DEPTOR: variants seen among roughly 807,000 people sequenced by gnomAD.
DEPTOR encodes the protein DEP domain-containing mTOR-interacting protein.
Under a neutral mutation model 41.6 loss-of-function variants are expected in DEPTOR, and 41 were observed. The ratio of observed to expected loss-of-function variants is 0.98; its 90% confidence interval spans 0.77 to 1.28. The LOEUF is 1.28. DEPTOR is among the 50% of genes most tolerant of loss of function. The pLI is 0.00. For synonymous variants in DEPTOR, 195 were observed against 192.3 expected (o/e 1.01, Z -0.12); for missense variants, 514 against 527.9 (o/e 0.97, Z 0.26).
rs35420959 is a variant in DEPTOR, at chr8:119,933,453, GACACACACACACACACACACAC to G, written c.425+3541_425+3562del. Reference sequence around the variant, plus strand: ...GCCCCCTTTCTTTGAGACAGAGCAAGACACACACACACACACACACACACACACACACACACACACACACACA... The same window carrying G: ...GCCCCCTTTCTTTGAGACAGAGCAAGACACACACACACACACACACACACA... On this transcript the variant is annotated intron_variant, in intron 3 of 8. Transcript: ENST00000286234. 4.0e-5 allele frequency among the ~76,000 whole-genome samples: 5 copies of G among 124,564 alleles called. No individual in the cohort carries two copies. In the South Asian group the frequency reaches 1.2e-3, roughly 31 times the overall value. The allele number at this position is 124,564 out of a possible 152,430, so 81.7% of individuals were successfully genotyped here.
intron 1 of DEPTOR, among the ~76,000 whole-genome samples, chr8:119,901,452 G>A (rs1010437122): frequency 5.9e-5 from 9 of 152,142 alleles, no homozygotes; most frequent in South Asian, 2.1e-4. Flanking sequence ...TGAGGTGGGC[G>A]GATCACGAGA....
chr8:119,936,364 G>A (rs1467573747), intron 3 of DEPTOR, among the ~76,000 whole-genome samples: 8 of 152,230 alleles, frequency 5.3e-5, no homozygotes, highest in East Asian at 1.9e-4. Flanking sequence ...TGTTGTGATC[G>A]CTATAAGCTG....
chr8:119,906,952 G>T (rs569686551), intron 1 of DEPTOR, among the ~76,000 whole-genome samples: 3 of 152,150 alleles, frequency 2.0e-5, no homozygotes, highest in Non-Finnish European at 4.4e-5. Flanking sequence ...AAGGGATATT[G>T]TGACTCTCTT....
chr8:119,980,393 C>A (rs1456418444), intron 4 of DEPTOR, among the ~76,000 whole-genome samples: 2 of 152,156 alleles, frequency 1.3e-5, no homozygotes, highest in South Asian at 2.1e-4. Flanking sequence ...CAGCTCTAGG[C>A]CGTTTTGAAA....
At chr8:119,905,060 G>A (rs1451769125) in intron 1 of DEPTOR, among the ~76,000 whole-genome samples, 1 of 139,774 alleles carries the variant, frequency 7.2e-6, no homozygotes, top group Admixed American at 7.7e-5. Flanking sequence ...CTCCTGCCTT[G>A]GCCTCCCAAA....
chr8:120,032,343 C>T (rs574798686), intron 8 of DEPTOR, among the ~76,000 whole-genome samples: 16 of 151,798 alleles, frequency 1.1e-4, no homozygotes, highest in African/African-American at 3.4e-4. Context: ...CTCAGCCTCC[C>T]GAGTAGCTGG....
At chr8:120,043,402 G>A (rs950789955) in intron 8 of DEPTOR, among the ~76,000 whole-genome samples, 6 of 152,128 alleles carry the variant, frequency 3.9e-5, no homozygotes, top group African/African-American at 1.4e-4. Flanking sequence ...ATATTATTCA[G>A]AGTTTTTAGT....
intron 3 of DEPTOR, among the ~76,000 whole-genome samples, chr8:119,930,691 C>T (rs1828031098): frequency 6.6e-6 from 1 of 152,134 alleles, no homozygotes; most frequent in South Asian, 2.1e-4. Context: ...GAACAAGTTT[C>T]AGCCCTTTCA....
intron 3 of DEPTOR, among the ~76,000 whole-genome samples, chr8:119,950,561 G>A (rs1220558786): frequency 2.0e-5 from 3 of 151,992 alleles, no homozygotes; most frequent in Non-Finnish European, 4.4e-5. Context: ...GATTACAGGT[G>A]TGCATCACCA....
At chr8:119,908,425 C>CA (rs967099403) in intron 1 of DEPTOR, among the ~76,000 whole-genome samples, 3 of 151,416 alleles carry the variant, frequency 2.0e-5, no homozygotes, top group African/African-American at 7.3e-5. Context: ...CCTGGTAGTA[C>CA]AAAAAATGAA....
chr8:119,940,279 G>T (rs1368248263), intron 3 of DEPTOR, among the ~76,000 whole-genome samples: 1 of 151,886 alleles, frequency 6.6e-6, no homozygotes, highest in Non-Finnish European at 1.5e-5. Context: ...TCCTACTTTT[G>T]GGTATGTACC....
chr8:119,946,113 G>A lies in DEPTOR; in HGVS notation c.425+16175G>A, dbSNP rs1030104798. Among the ~76,000 whole-genome samples the A allele has an allele frequency of 7.2e-5, 11 of 152,122 alleles. No individual in the cohort carries two copies. In the East Asian group the frequency reaches 9.7e-4, roughly 13 times the overall value. ...TTGTTTGCTAAATGAAAACATCCCC[G>A]CTTAATTGCAGTCCCTTCACACAGA... On this transcript the variant is annotated intron_variant, in intron 3 of 8. Coordinates refer to ENST00000286234, the MANE Select transcript of DEPTOR (RefSeq NM_022783.4).
rs189103491 is a variant in DEPTOR at position 120,048,515 on chromosome 8, C to T, written c.1102-1061C>T. Among the ~76,000 whole-genome samples the T allele has an allele frequency of 1.2e-4, 19 of 152,106 alleles. No individual in the cohort carries two copies. In the East Asian group the frequency reaches 3.7e-3, roughly 29 times the overall value. On this transcript the variant is annotated intron_variant, in intron 8 of 8. Coordinates refer to ENST00000286234, the MANE Select transcript of DEPTOR (RefSeq NM_022783.4). Reference sequence around the variant, plus strand: ...AATCCATGAAGACAAATTTGTGGAACCAAGAAAAGAGAAACAGTAATAGTG... The same window carrying T: ...AATCCATGAAGACAAATTTGTGGAATCAAGAAAAGAGAAACAGTAATAGTG...
At chr8:120,011,679 A>T (rs929621249) in intron 8 of DEPTOR, among the ~76,000 whole-genome samples, 4 of 152,218 alleles carry the variant, frequency 2.6e-5, no homozygotes, top group Non-Finnish European at 5.9e-5. Flanking sequence ...CCAAATGTAC[A>T]GTGAAATTAA....
chr8:120,007,632 T>G (rs1039206553), intron 7 of DEPTOR, among the ~76,000 whole-genome samples: 48 of 152,184 alleles, frequency 3.2e-4, no homozygotes, highest in Non-Finnish European at 7.3e-5. Flanking sequence ...TCCTTCATCT[T>G]CTAACTTTAG....
chr8:119,940,572 C>T (rs1232475703), intron 3 of DEPTOR, among the ~76,000 whole-genome samples: 1 of 151,992 alleles, frequency 6.6e-6, no homozygotes, highest in African/African-American at 2.4e-5. Flanking sequence ...TTGGCAAAAC[C>T]TCGTCTCTAC....
At chr8:119,954,507 C>T (rs1053661522) in intron 3 of DEPTOR, among the ~76,000 whole-genome samples, 2 of 152,132 alleles carry the variant, frequency 1.3e-5, no homozygotes, top group Non-Finnish European at 2.9e-5. Context: ...AGCTCTCTTT[C>T]TAAATTCTGA....
At chr8:120,035,689 G>A (rs1191452658) in intron 8 of DEPTOR, among the ~76,000 whole-genome samples, 3 of 152,120 alleles carry the variant, frequency 2.0e-5, no homozygotes, top group Admixed American at 6.6e-5. Flanking sequence ...CCACTATCAT[G>A]TCCAGCTAAT....
chr8:119,883,290 C>G (rs985277278), intron 1 of DEPTOR, among the ~76,000 whole-genome samples: 1 of 151,458 alleles, frequency 6.6e-6, no homozygotes, highest in Admixed American at 6.6e-5. Context: ...CTGGCTAACA[C>G]GGTGAAACCC....
Sources: gnomAD v4.1 joint callset for allele counts (sites outside exome capture counted in the v4.1 genomes callset) on GRCh38, gnomAD v4.1.1 for gene constraint, MANE v1.5 for transcripts, NCBI Gene and HGNC (gene_info 2026-07-23, HGNC 2026-07-21) for gene names.